Variants in GSK3A observed in about 807,000 individuals in gnomAD.
The protein encoded by GSK3A is glycogen synthase kinase-3 alpha.
Under a neutral mutation model 56.6 loss-of-function variants are expected in GSK3A, and 14 were observed. The ratio of observed to expected loss-of-function variants is 0.25; its 90% CI spans 0.16 to 0.39. The LOEUF (loss-of-function observed/expected upper bound fraction) is 0.39. Among genes scored for constraint, GSK3A ranks in the 10% least tolerant of loss-of-function variants. The pLI is 1.00. For missense variants in GSK3A, 450 were observed against 656.0 expected (o/e 0.69, Z 3.43); for synonymous variants, 301 against 285.0 (o/e 1.06, Z -0.56).
intron 9 of GSK3A, 71 bp from the exon 10 acceptor site, chr19:42,232,220 C>T: frequency 1.0e-6 from 1 of 958,308 alleles, no homozygotes; most frequent in Admixed American, 2.3e-5. Flanking sequence ...AAATGGGAAC[C>T]CAGCTATTGG....
chr19:42,235,162 T>TA (rs1056831903), intron 4 of GSK3A, among the ~76,000 whole-genome samples: 6 of 152,032 alleles, frequency 3.9e-5, no homozygotes, highest in East Asian at 1.9e-4. Flanking sequence ...GCCCCACTCT[T>TA]AGAGTTTCTG....
intron 1 of GSK3A, chr19:42,241,944 A>G (rs1022140417): frequency 3.6e-5 from 14 of 387,930 alleles, no homozygotes; most frequent in Non-Finnish European, 6.4e-5. Context: ...TAATGGAAGA[A>G]CAGAGACTTG....
At chr19:42,240,268 C>T (rs560913558) in intron 1 of GSK3A, 126 bp from the exon 2 acceptor site, 8 of 818,878 alleles carry the variant, frequency 9.8e-6, no homozygotes, top group East Asian at 7.4e-5. Flanking sequence ...TCCCCTCCTC[C>T]TCTTTGAGGA....
intron 1 of GSK3A, chr19:42,240,353 A>G: frequency 1.7e-6 from 1 of 599,430 alleles, no homozygotes; most frequent in East Asian, 2.8e-5. Flanking sequence ...GCTCCCCTCC[A>G]CATAGGAGGA....
In GSK3A at chr19:42,234,225, TAA is replaced by T. The variant is rs1391733742; in HGVS notation, c.904+126_904+127del. The T allele has an allele frequency of 1.4e-6, 1 of 724,226 alleles. No homozygotes were observed. The highest frequency in any genetic ancestry group is 1.8e-5 in the African/African-American group (1 of 57,026). The allele number at this position is 724,226 out of a possible 1,614,324, so 44.9% of individuals were successfully genotyped here. ...TTAGCATTCAACAGCATCAGCCTCC[TAA>T]GTTTGTGAGGACTGGATACAAGAAC... On this transcript the variant is annotated intron_variant, in intron 6 of 10. Transcript: ENST00000222330. This position sits in a 1 kb window ranked among gnomAD's most constrained non-coding sequence, Gnocchi z 5.7.
chr19:42,232,386 CT>C, intron 9 of GSK3A, 109 bp downstream of exon 9: 1 of 1,026,084 alleles, frequency 9.7e-7, no homozygotes, highest in Non-Finnish European at 1.5e-6. Context: ...CCAGGCCTGC[CT>C]TGTACCCTGC....
rs373560863 is a variant in GSK3A, at chr19:42,232,635, G to A, written c.1146C>T (p.Ser382=). The A allele has an allele frequency of 2.5e-6, 4 of 1,610,620 alleles. No individual in the cohort carries two copies. The highest frequency in any genetic ancestry group is 4.5e-5 in the East Asian group (2 of 44,826). The change falls in exon 9 of 11, where the codon AGC becomes AGT. Residue 382 remains serine, a synonymous_variant. Coordinates refer to ENST00000222330, the MANE Select transcript of GSK3A (RefSeq NM_019884.3). ...TTGAGGATGGGGTGTACTCCAGCAGGCTAGAGCAGAGCGCGATGGCCTCTG... is the reference window on the plus strand; with the variant it reads ...TTGAGGATGGGGTGTACTCCAGCAGACTAGAGCAGAGCGCGATGGCCTCTG... The part of the protein sequence containing the change: ...TPPEAIALCS[S]LLEYTPSSRL...
At chr19:42,235,109 A>G (rs2036248647) in intron 4 of GSK3A, among the ~76,000 whole-genome samples, 1 of 152,230 alleles carries the variant, frequency 6.6e-6, no homozygotes, top group East Asian at 1.9e-4. Flanking sequence ...CGTGGGTGAC[A>G]GAGACCCTGT....
chr19:42,233,032 C>G (rs1168155377), intron 8 of GSK3A, 78 bp downstream of exon 8: 3 of 877,220 alleles, frequency 3.4e-6, no homozygotes, highest in Non-Finnish European at 5.4e-6. Flanking sequence ...GATTCTGAGG[C>G]TAGGTCCACA....
Position 42,234,978 on chromosome 19 carries a change from T to C in GSK3A, c.667-300A>G, listed in dbSNP as rs1157378938. On this transcript the variant is annotated intron_variant, in intron 4 of 10. Transcript: ENST00000222330. The surrounding 1 kb of genome is among the most constrained non-coding windows in gnomAD (Gnocchi z 5.7). ...CCCGTCTCTACTAAAAATACAAAAA[T>C]TAGCCGGGCGTGGTGGTGCACACCT... Among the ~76,000 whole-genome samples the C allele has an allele frequency of 2.0e-5, 3 of 151,972 alleles. No individual in the cohort carries two copies. Among genetic ancestry groups the C allele is most frequent in the Non-Finnish European group, 4.4e-5 (3 of 67,978 alleles).
Position 42,231,954 on chromosome 19 carries a change from G to A in GSK3A, c.1378+103C>T, listed in dbSNP as rs534094345. 112 of 637,122 alleles carry A rather than the reference G, an allele frequency of 1.8e-4. No individual in the cohort carries two copies. In the South Asian group the frequency reaches 1.8e-3, roughly 11 times the overall value. The allele number at this position is 637,122 out of a possible 1,614,324, so 39.5% of individuals were successfully genotyped here. On this transcript the variant is annotated intron_variant, in intron 10 of 10. Coordinates refer to ENST00000222330, the MANE Select transcript of GSK3A (RefSeq NM_019884.3). ...GTGTTTCCTATGCCATCAAAATGTC[G>A]ATGATTTAAAAATACATTCAGGAAA...
chr19:42,233,255 A>AC, intron 7 of GSK3A, 31 bp downstream of exon 7: 33 of 1,197,266 alleles, frequency 2.8e-5, no homozygotes, highest in Admixed American at 6.6e-5. Flanking sequence ...CCTCAGCCCC[A>AC]CCCCCTGCCC....
At chr19:42,235,903 C>A (rs915538716) in intron 4 of GSK3A, among the ~76,000 whole-genome samples, 1 of 152,202 alleles carries the variant, frequency 6.6e-6, no homozygotes, top group South Asian at 2.1e-4. Context: ...CCAACAGCCA[C>A]AACCACTGGT....
intron 4 of GSK3A, among the ~76,000 whole-genome samples, chr19:42,235,401 GC>G (rs1302278701): frequency 6.6e-6 from 1 of 152,050 alleles, no homozygotes; most frequent in Admixed American, 6.6e-5. Context: ...CCCTGAGCCT[GC>G]CCCCTCTCCA....
chr19:42,240,230 T>G, intron 1 of GSK3A, 88 bp from the exon 2 acceptor site: 21 of 1,241,960 alleles, frequency 1.7e-5, no homozygotes, highest in Non-Finnish European at 2.0e-5. Flanking sequence ...GGGAAATCTC[T>G]GCAGGAAGCT....
chr19:42,236,704 A>G lies in GSK3A; in HGVS notation c.568T>C (p.Tyr190His). 1 of 1,613,436 alleles carries G rather than the reference A, an allele frequency of 6.2e-7. No homozygotes were observed. The highest frequency in any genetic ancestry group is 8.5e-7 in the Non-Finnish European group (1 of 1,179,386). ...YSSGEKKDEL[Y>H]LNLVLEYVPE... ...ACATATTCCAGCACCAGATTTAGGT[A>G]AAGCTCGTCTTTCTGCAGGGAGCAA... The change falls in exon 4 of 11, where the codon TAC (tyrosine) becomes CAC (histidine). Residue 190 changes from tyrosine (Y) to histidine (H), a missense_variant. Transcript: ENST00000222330.
chr19:42,231,923 T>C (rs768464358), intron 10 of GSK3A, 134 bp downstream of exon 10: 45 of 590,120 alleles, frequency 7.6e-5, no homozygotes, highest in Middle Eastern at 4.5e-4. Flanking sequence ...TCACATGTTG[T>C]AAGATGTGTT....
In GSK3A at chr19:42,242,530, G is replaced by T; in HGVS notation, c.-65C>A. The T allele has an allele frequency of 1.0e-6, 1 of 998,270 alleles. No individual in the cohort carries two copies. Among genetic ancestry groups the T allele is most frequent in the Non-Finnish European group, 1.2e-6 (1 of 832,670 alleles). The allele number at this position is 998,270 out of a possible 1,614,324, so 61.8% of individuals were successfully genotyped here. A position where few individuals can be genotyped will look rare whatever the true frequency, so the allele number is the denominator to read the frequency against. The stretch of plus-strand genomic sequence containing the variant: ...CCGGGCTGCCCCAGCCGCCGCCGCT[G>T]CCGCCGCCTCCCCCGGGCCCTGGCC... On this transcript the variant is annotated 5_prime_UTR_variant, in exon 1 of 11. Transcript: ENST00000222330.
At chr19:42,233,579 G>A (rs898601564) in intron 6 of GSK3A, among the ~76,000 whole-genome samples, 196 bp from the exon 7 acceptor site, 5 of 152,122 alleles carry the variant, frequency 3.3e-5, no homozygotes, top group Admixed American at 3.3e-4. Flanking sequence ...CTCTAGTCTA[G>A]GTGTGTTTCC....
Sources: gnomAD v4.1 joint callset for allele counts (sites outside exome capture counted in the v4.1 genomes callset) on GRCh38, gnomAD v4.1.1 for gene constraint, Gnocchi (gnomAD v3.1) non-coding constraint, MANE v1.5 for transcripts, NCBI Gene and HGNC (gene_info 2026-07-23, HGNC 2026-07-21) for gene names.